Variants in HSPG2 observed in about 807,000 individuals in gnomAD.
The protein encoded by HSPG2 is basement membrane-specific heparan sulfate proteoglycan core protein.
Under a neutral mutation model 526.6 loss-of-function variants are expected in HSPG2, and 278 were observed. That is an observed-to-expected ratio of 0.53 (90% confidence interval 0.48 to 0.58). The LOEUF (loss-of-function observed/expected upper bound fraction) is 0.58. HSPG2 is among the 20% of genes least tolerant of loss of function. HSPG2 has a pLI of 0.00. For synonymous variants in HSPG2, 2,465 were observed against 2,555.4 expected, an observed-to-expected ratio of 0.96 and a Z score of 1.07; for missense variants, 5,354 against 6,099.5, an observed-to-expected ratio of 0.88 and a Z score of 4.07.
intron 1 of HSPG2, among the ~76,000 whole-genome samples, chr1:21,927,802 C>T (rs1644245076): frequency 2.0e-5 from 3 of 152,204 alleles, no homozygotes; most frequent in Admixed American, 1.3e-4. Context: ...AGTGACAGAT[C>T]AGAGGCAGTT....
chr1:21,828,434 G>A lies in HSPG2; in HGVS notation c.12238-8C>T, dbSNP rs1237318406. ...TTTGCCATTCACTGACACCTGTGGG[G>A]ACAGGGACACCGAGGGACTAAAGGG... On this transcript the variant is annotated splice_region_variant and splice_polypyrimidine_tract_variant and intron_variant, in intron 88 of 96. Transcript: ENST00000374695. This position sits in a 1 kb window ranked among gnomAD's most constrained non-coding sequence, Gnocchi z 6.0. 25 of 1,612,774 alleles carry A rather than the reference G, an allele frequency of 1.6e-5. No individual in the cohort carries two copies. Among genetic ancestry groups the A allele is most frequent in the Middle Eastern group, 1.7e-4 (1 of 6,060 alleles).
At position 21,880,535 on chromosome 1, in the gene HSPG2, G is replaced by C; in HGVS notation, c.2023C>G (p.Arg675Gly). 1 of 1,613,528 alleles carries C rather than the reference G, an allele frequency of 6.2e-7. No homozygotes were observed. Among genetic ancestry groups the C allele is most frequent in the Non-Finnish European group, 8.5e-7 (1 of 1,179,940 alleles). ...SEEHWVHESG[R>G]PVQRAELLQV... ...AGCAGCTCCGCGCGCTGCACCGGCC[G>C]GCCAGACTCATGGACCCAGTGCTCC... Residue 675 changes from arginine (R) to glycine (G), a missense_variant, in exon 16 of 97, where the codon CGG becomes GGG. Arg to Gly is a moderately radical substitution (Grantham distance 125, BLOSUM62 -2). Transcript: ENST00000374695.
Position 21,848,240 on chromosome 1 carries a change from G to A in HSPG2, c.7738-147C>T. 1 of 987,788 alleles carries A rather than the reference G, an allele frequency of 1.0e-6. No homozygotes were observed. Among genetic ancestry groups the A allele is most frequent in the Non-Finnish European group, 1.5e-6 (1 of 652,696 alleles). The allele number at this position is 987,788 out of a possible 1,614,324, so 61.2% of individuals were successfully genotyped here. A position where few individuals can be genotyped will look rare whatever the true frequency, so the allele number is the denominator to read the frequency against. ...TCGTGAAGCTCCCAGCATGGCATGT[G>A]GCCTGTCTCTGGGCTGGGGTGGACG... On this transcript the variant is annotated intron_variant, in intron 59 of 96. Coordinates refer to ENST00000374695, the MANE Select transcript of HSPG2 (RefSeq NM_005529.7). This position sits in a 1 kb window ranked among gnomAD's most constrained non-coding sequence, Gnocchi z 4.9.
Position 21,857,170 on chromosome 1 carries a change from G to A in HSPG2, c.5420C>T (p.Thr1807Ile), listed in dbSNP as rs1432591865. 1 of 1,614,008 alleles carries A rather than the reference G, an allele frequency of 6.2e-7. No homozygotes were observed. The highest frequency in any genetic ancestry group is 2.2e-5 in the East Asian group (1 of 44,888). The change falls in exon 44 of 97, where the codon ACC becomes ATC. Residue 1807 changes from threonine (T) to isoleucine (I), a missense_variant. By Grantham distance (89) the Thr-to-Ile change is moderately conservative. Coordinates refer to ENST00000374695, the MANE Select transcript of HSPG2 (RefSeq NM_005529.7). ...GGGCAGTTTCCCGTTGTGCAGGCGG[G>A]TCCACACCAGGGTATAGGCTGGGGA... ...SKSPAYTLVW[T>I]RLHNGKLPTR...
At chr1:21,852,610 G>A in intron 52 of HSPG2, 90 bp downstream of exon 52, 1 of 1,570,356 alleles carries the variant, frequency 6.4e-7, no homozygotes, top group South Asian at 1.1e-5. Context: ...TGGGCCTTCT[G>A]CCCTGTCAGC....
In HSPG2 at chr1:21,904,176, G is replaced by C. The variant is rs934187089; in HGVS notation, c.64-7866C>G. Among the ~76,000 whole-genome samples, 1 of 152,194 alleles carries C rather than the reference G, an allele frequency of 6.6e-6. No individual in the cohort carries two copies. Among genetic ancestry groups the C allele is most frequent in the Admixed American group, 6.5e-5 (1 of 15,284 alleles). Reference sequence around the variant, plus strand: ...AGAGAGTGCTGAAGGGGAAGGAAGGGGGCCGGCAGAGCCCAGGGGAGGGTC... The same window carrying C: ...AGAGAGTGCTGAAGGGGAAGGAAGGCGGCCGGCAGAGCCCAGGGGAGGGTC... On this transcript the variant is annotated intron_variant, in intron 1 of 96. Coordinates refer to ENST00000374695, the MANE Select transcript of HSPG2 (RefSeq NM_005529.7). This position sits in a 1 kb window ranked among gnomAD's most constrained non-coding sequence, Gnocchi z 4.4.
At chr1:21,827,946 G>A in intron 90 of HSPG2, 27 bp from the exon 91 acceptor site, 1 of 1,608,068 alleles carries the variant, frequency 6.2e-7, no homozygotes, top group Non-Finnish European at 8.5e-7. Context: ...GGTCCAGTTG[G>A]TGGGCATAGA....
At chr1:21,854,118 A>G (rs1639138978) in intron 50 of HSPG2, 75 bp downstream of exon 50, 3 of 1,467,668 alleles carry the variant, frequency 2.0e-6, no homozygotes, top group Non-Finnish European at 2.8e-6. Flanking sequence ...TCCTGGTCCC[A>G]CTGAAGAAGC....
Position 21,898,372 on chromosome 1 carries a change from C to T in HSPG2, c.64-2062G>A, listed in dbSNP as rs180791233. Among the ~76,000 whole-genome samples, 6 of 152,366 alleles carry T rather than the reference C, an allele frequency of 3.9e-5. No individual in the cohort carries two copies. The highest frequency in any genetic ancestry group is 3.3e-4 in the Admixed American group (5 of 15,312). ...TGTTGCCTCCTGTTCCTTCTCCTCT[C>T]CCTGCCCTCTCCCTGTCCTCCTGAG... On this transcript the variant is annotated intron_variant, in intron 1 of 96. Coordinates refer to ENST00000374695, the MANE Select transcript of HSPG2 (RefSeq NM_005529.7). This position sits in a 1 kb window ranked among gnomAD's most constrained non-coding sequence, Gnocchi z 4.0.
chr1:21,899,437 C>T (rs552948120), intron 1 of HSPG2, among the ~76,000 whole-genome samples: 31 of 152,202 alleles, frequency 2.0e-4, no homozygotes, highest in African/African-American at 7.0e-4. Flanking sequence ...CCAGGCACTC[C>T]TAAACCAGGT....
At chr1:21,860,079 C>T in intron 40 of HSPG2, 77 bp from the exon 41 acceptor site, 1 of 1,596,080 alleles carries the variant, frequency 6.3e-7, no homozygotes. Flanking sequence ...AGCTGGGGTA[C>T]CCCACCCTCA....
chr1:21,902,162 G>A (rs573461621), intron 1 of HSPG2, among the ~76,000 whole-genome samples: 3 of 152,278 alleles, frequency 2.0e-5, no homozygotes, highest in South Asian at 2.1e-4. Context: ...CTCAGAGCCC[G>A]ACACAAAGGC....
At chr1:21,850,577 A>AC in intron 55 of HSPG2, 79 bp from the exon 56 acceptor site, 1 of 1,443,670 alleles carries the variant, frequency 6.9e-7, no homozygotes, top group Non-Finnish European at 9.2e-7. Context: ...CCTCACTCTG[A>AC]CCCCCAAGGC....
At chr1:21,892,068 G>C (rs777599553) in intron 3 of HSPG2, among the ~76,000 whole-genome samples, 1 of 152,264 alleles carries the variant, frequency 6.6e-6, no homozygotes, top group Non-Finnish European at 1.5e-5. Context: ...GAGTGGCACT[G>C]TCTGTGCTAC....
chr1:21,933,985 A>G (rs1644415227), intron 1 of HSPG2, among the ~76,000 whole-genome samples: 1 of 152,124 alleles, frequency 6.6e-6, no homozygotes. Flanking sequence ...AGGCCCTGGA[A>G]AACACCTTAA....
Position 21,872,468 on chromosome 1 carries a change from G to T in HSPG2, c.4030-91C>A. The T allele has an allele frequency of 7.1e-7, 1 of 1,402,146 alleles. No individual in the cohort carries two copies. Among genetic ancestry groups the T allele is most frequent in the Non-Finnish European group, 9.9e-7 (1 of 1,014,682 alleles). The allele number at this position is 1,402,146 out of a possible 1,614,324, so 86.9% of individuals were successfully genotyped here. A position where few individuals can be genotyped will look rare whatever the true frequency, so the allele number is the denominator to read the frequency against. ...CGGGAGGGTGTTAAGGTGCGGAATG[G>T]GGTCCTGTTGAGATCAGGACTGCGA... On this transcript the variant is annotated intron_variant, in intron 32 of 96. Transcript: ENST00000374695. This position sits in a 1 kb window ranked among gnomAD's most constrained non-coding sequence, Gnocchi z 5.5.
chr1:21,856,894 C>T, intron 44 of HSPG2, 121 bp downstream of exon 44: 2 of 1,079,200 alleles, frequency 1.9e-6, no homozygotes, highest in Non-Finnish European at 2.9e-6. Context: ...GAGCCTAGAC[C>T]AGGACCAGGC....
At position 21,859,758 on chromosome 1, in the gene HSPG2, C is replaced by T; in HGVS notation, c.5182+77G>A. 6.3e-7 allele frequency: 1 copy of T among 1,590,004 alleles called. No homozygotes were observed. The highest frequency in any genetic ancestry group is 8.6e-7 in the Non-Finnish European group (1 of 1,167,366). On this transcript the variant is annotated intron_variant, in intron 41 of 96. Transcript: ENST00000374695. The surrounding 1 kb of genome is among the most constrained non-coding windows in gnomAD (Gnocchi z 5.3). ...CCCCATGCACAAGGACAGCATCCCACTAGGGCAGGGACAGGCCCCTGCCTC... is the reference window on the plus strand; with the variant it reads ...CCCCATGCACAAGGACAGCATCCCATTAGGGCAGGGACAGGCCCCTGCCTC...
chr1:21,933,354 G>A (rs1285256015), intron 1 of HSPG2, among the ~76,000 whole-genome samples: 1 of 152,148 alleles, frequency 6.6e-6, no homozygotes, highest in East Asian at 1.9e-4. Flanking sequence ...ACCTAATTCT[G>A]AGCACCGCAG....
Sources: allele counts gnomAD v4.1 joint callset (sites outside exome capture counted in the v4.1 genomes callset), GRCh38; gene constraint gnomAD v4.1.1; non-coding constraint Gnocchi (gnomAD v3.1); transcripts MANE v1.5; gene names NCBI Gene and HGNC (gene_info 2026-07-23, HGNC 2026-07-21).